GNAL: variants seen among roughly 807,000 people sequenced by gnomAD.
GNAL encodes the protein guanine nucleotide-binding protein G(olf) subunit alpha.
In GNAL, 18 loss-of-function variants were observed where a neutral mutation model predicts 55.1. That is an observed-to-expected ratio of 0.33 (90% confidence interval 0.23 to 0.48). The LOEUF (loss-of-function observed/expected upper bound fraction) is 0.48. GNAL is among the 20% of genes least tolerant of loss of function. The pLI is 0.99. For missense variants in GNAL, 412 were observed against 614.1 expected (o/e 0.67, Z 3.48); for synonymous variants, 253 against 237.0 (o/e 1.07, Z -0.62).
At position 11,752,318 on chromosome 18, in the gene GNAL, A is replaced by C; in HGVS notation, c.377-535A>C. ...CGGAAAACACCGAAGAGACCAGACCATCTCTTTCAGCAGCAGGAAAGAGAG... is the reference window on the plus strand; with the variant it reads ...CGGAAAACACCGAAGAGACCAGACCCTCTCTTTCAGCAGCAGGAAAGAGAG... On this transcript the variant is annotated intron_variant, in intron 1 of 11. Coordinates refer to ENST00000334049, the MANE Select transcript of GNAL (RefSeq NM_182978.4). This position sits in a 1 kb window ranked among gnomAD's most constrained non-coding sequence, Gnocchi z 4.5. 1 of 1,474,704 alleles carries C rather than the reference A, an allele frequency of 6.8e-7. No homozygotes were observed. The highest frequency in any genetic ancestry group is 8.9e-7 in the Non-Finnish European group (1 of 1,117,898). The allele number at this position is 1,474,704 out of a possible 1,614,324, so 91.4% of individuals were successfully genotyped here. A position where few individuals can be genotyped will look rare whatever the true frequency, so the allele number is the denominator to read the frequency against.
chr18:11,853,286 GA>G (rs1178211603), intron 5 of GNAL: 1 of 167,140 alleles, frequency 6.0e-6, no homozygotes, highest in Non-Finnish European at 1.5e-5. Flanking sequence ...GAAGGAAGGA[GA>G]AAGCTTGAGT....
chr18:11,787,418 T>C (rs968521513), intron 4 of GNAL, among the ~76,000 whole-genome samples: 1 of 152,202 alleles, frequency 6.6e-6, no homozygotes, highest in Non-Finnish European at 1.5e-5. Context: ...GCCGAAACAG[T>C]TCTCAGCATT....
At chr18:11,754,061 A>G (rs546062439) in intron 4 of GNAL, 116 bp downstream of exon 4, 213 of 783,140 alleles carry the variant, frequency 2.7e-4, no homozygotes, top group Middle Eastern at 1.2e-3. Flanking sequence ...TTCGAAATCC[A>G]GCTCTCTAAA....
chr18:11,861,946 A>T (rs2036152415), intron 5 of GNAL, among the ~76,000 whole-genome samples: 1 of 138,550 alleles, frequency 7.2e-6, no homozygotes, highest in African/African-American at 2.6e-5. Context: ...TCGCTCTTAC[A>T]CATATTCACG....
At chr18:11,840,635 AC>A (rs2035593171) in intron 5 of GNAL, among the ~76,000 whole-genome samples, 1 of 151,902 alleles carries the variant, frequency 6.6e-6, no homozygotes, top group African/African-American at 2.4e-5. Context: ...TCCCTTTGTT[AC>A]CCTTTGTTGA....
rs745308894 is a variant in GNAL at position 11,857,606 on chromosome 18, C to A, written c.723-4789C>A. 4.1e-6 allele frequency: 4 copies of A among 985,190 alleles called. No individual in the cohort carries two copies. In the African/African-American group the frequency reaches 5.2e-5, roughly 13 times the overall value. 61.0% of individuals were successfully genotyped at this position (985,190 alleles called of 1,614,324 possible). A position where few individuals can be genotyped will look rare whatever the true frequency, so the allele number is the denominator to read the frequency against. The stretch of plus-strand genomic sequence containing the variant: ...GAGGTGGGGAAAGCCAAGAGGAACA[C>A]GCTCTTGGATGACGAGTCACCATGA... On this transcript the variant is annotated intron_variant, in intron 5 of 11. Coordinates refer to ENST00000334049, the MANE Select transcript of GNAL (RefSeq NM_182978.4).
At position 11,728,145 on chromosome 18, in the gene GNAL, T is replaced by C. The variant is rs537147518; in HGVS notation, c.377-24708T>C. 1.2e-4 allele frequency among the ~76,000 whole-genome samples: 18 copies of C among 152,150 alleles called. No homozygotes were observed. In the South Asian group the frequency reaches 3.7e-3, roughly 32 times the overall value. On this transcript the variant is annotated intron_variant, in intron 1 of 11. Transcript: ENST00000334049. Reference sequence around the variant, plus strand: ...AGGAGGATCCCTTGAGCCCAGGAGATTGAGGCCACAGTGCGCTGTGATCAC... The same window carrying C: ...AGGAGGATCCCTTGAGCCCAGGAGACTGAGGCCACAGTGCGCTGTGATCAC...
chr18:11,790,991 C>A (rs1352268794), intron 4 of GNAL, among the ~76,000 whole-genome samples: 1 of 69,218 alleles, frequency 1.4e-5, no homozygotes, highest in Non-Finnish European at 4.1e-5. Context: ...TATTCCAATA[C>A]TTAATTTAAG....
chr18:11,788,476 T>C (rs1007086170), intron 4 of GNAL, among the ~76,000 whole-genome samples: 1 of 152,194 alleles, frequency 6.6e-6, no homozygotes, highest in Non-Finnish European at 1.5e-5. Flanking sequence ...GTACTTACAC[T>C]CCACAATCAT....
intron 4 of GNAL, among the ~76,000 whole-genome samples, chr18:11,791,660 T>C (rs2034241273): frequency 6.6e-6 from 1 of 152,202 alleles, no homozygotes; most frequent in Non-Finnish European, 1.5e-5. Flanking sequence ...AAAGACTTTA[T>C]ATTAGAGAAT....
intron 4 of GNAL, among the ~76,000 whole-genome samples, chr18:11,788,914 A>AAAAAAAAAAAAAAT (rs60071996): frequency 2.7e-4 from 15 of 56,296 alleles, no homozygotes; most frequent in South Asian, 9.6e-4. Flanking sequence ...AAAAAAAAAA[A>AAAAAAAAAAAAAAT]ATATATATAT....
rs1214580294 is a variant in GNAL at position 11,768,993 on chromosome 18, TATA to T, written c.624+15052_624+15054del. 4.6e-5 allele frequency among the ~76,000 whole-genome samples: 5 copies of T among 108,760 alleles called. 1 individual carries two copies. The highest frequency in any genetic ancestry group is 1.5e-4 in the African/African-American group (3 of 20,034). The allele number at this position is 108,760 out of a possible 152,430, so 71.4% of individuals were successfully genotyped here. The stretch of plus-strand genomic sequence containing the variant: ...ATTATATATATTATATATTCTATAT[TATA>T]ATATAGAATATATATATTCTATATT... On this transcript the variant is annotated intron_variant, in intron 4 of 11. Coordinates refer to ENST00000334049, the MANE Select transcript of GNAL (RefSeq NM_182978.4).
At chr18:11,777,871 G>C (rs893201528) in intron 4 of GNAL, among the ~76,000 whole-genome samples, 2 of 152,186 alleles carry the variant, frequency 1.3e-5, no homozygotes, top group African/African-American at 4.8e-5. Flanking sequence ...CTGTCTTACA[G>C]ACTAGAAAAA....
At chr18:11,716,933 G>A (rs868225980) in intron 1 of GNAL, among the ~76,000 whole-genome samples, 4 of 152,214 alleles carry the variant, frequency 2.6e-5, no homozygotes, top group South Asian at 2.1e-4. Context: ...TGCCAGTCCC[G>A]CACGGTTGTG....
At chr18:11,715,976 T>C (rs183305884) in intron 1 of GNAL, among the ~76,000 whole-genome samples, 2,300 of 148,546 alleles carry the variant, frequency 0.015, 60 homozygotes, top group African/African-American at 0.057. Flanking sequence ...GAATGGCTAT[T>C]ATTAAAAAGA....
Position 11,752,766 on chromosome 18 carries a change from G to A in GNAL, c.377-87G>A. 9.4e-7 allele frequency: 1 copy of A among 1,067,926 alleles called. No individual in the cohort carries two copies. The highest frequency in any genetic ancestry group is 1.4e-6 in the Non-Finnish European group (1 of 718,668). The allele number at this position is 1,067,926 out of a possible 1,614,324, so 66.2% of individuals were successfully genotyped here. ...CGTGTAGGAAATCCCCGTGCTGGGG[G>A]AGGAGGATTGCTCAGACCCGGCTAG... On this transcript the variant is annotated intron_variant, in intron 1 of 11. Coordinates refer to ENST00000334049, the MANE Select transcript of GNAL (RefSeq NM_182978.4). This position sits in a 1 kb window ranked among gnomAD's most constrained non-coding sequence, Gnocchi z 4.5.
At chr18:11,859,100 G>T (rs1368149774) in intron 5 of GNAL, among the ~76,000 whole-genome samples, 3 of 152,076 alleles carry the variant, frequency 2.0e-5, no homozygotes, top group Non-Finnish European at 4.4e-5. Context: ...TTTTAAATAG[G>T]TTACTTCCTA....
chr18:11,782,724 G>T (rs761953356), intron 4 of GNAL, among the ~76,000 whole-genome samples: 1 of 152,186 alleles, frequency 6.6e-6, no homozygotes, highest in Non-Finnish European at 1.5e-5. Flanking sequence ...AGTCAATGAT[G>T]ACTGTGTGTC....
intron 9 of GNAL, among the ~76,000 whole-genome samples, chr18:11,869,893 A>T (rs1247445774): frequency 1.2e-4 from 19 of 152,228 alleles, no homozygotes; most frequent in Admixed American, 1.2e-3. Context: ...TGGGCGACAG[A>T]GGGAGACTGT....
Sources: gnomAD v4.1 joint callset for allele counts (sites outside exome capture counted in the v4.1 genomes callset) on GRCh38, gnomAD v4.1.1 for gene constraint, Gnocchi (gnomAD v3.1) non-coding constraint, MANE v1.5 for transcripts, NCBI Gene and HGNC (gene_info 2026-07-23, HGNC 2026-07-21) for gene names.